PTPRD: variants seen among roughly 807,000 people sequenced by gnomAD.
PTPRD encodes the protein receptor-type tyrosine-protein phosphatase delta.
Under a neutral mutation model 214.5 loss-of-function variants are expected in PTPRD, and 34 were observed. That is an observed-to-expected ratio of 0.16 (90% CI 0.12 to 0.21). The LOEUF (loss-of-function observed/expected upper bound fraction) is 0.21, where lower values mean the gene tolerates loss of function less well. Among genes scored for constraint, PTPRD ranks in the 10% least tolerant of loss-of-function variants. The probability of loss-of-function intolerance (pLI) is 1.00; values close to 1 mark genes in which losing one functional copy is unlikely to be tolerated. For synonymous variants in PTPRD, 1,128 were observed against 845.7 expected (o/e 1.33, Z -5.79); for missense variants, 2,545 against 2,398.7 (o/e 1.06, Z -1.27).
chr9:8,401,527 C>A (rs1007727108), intron 36 of PTPRD, among the ~76,000 whole-genome samples: 10 of 152,082 alleles, frequency 6.6e-5, no homozygotes, highest in Admixed American at 2.6e-4. Context: ...GTAATTAGGA[C>A]TCTTTTGAAT....
intron 4 of PTPRD, among the ~76,000 whole-genome samples, chr9:9,964,191 G>GA (rs1280206497): frequency 7.1e-6 from 1 of 140,364 alleles, no homozygotes; most frequent in Admixed American, 7.3e-5. Flanking sequence ...CAAATTGGGG[G>GA]AAAAAAGAAT....
chr9:8,888,698 A>C (rs890394037), intron 11 of PTPRD, among the ~76,000 whole-genome samples: 2 of 152,208 alleles, frequency 1.3e-5, no homozygotes, highest in African/African-American at 4.8e-5. Context: ...ATATCACCTC[A>C]GAGGGATGAG....
At chr9:9,791,417 C>T (rs181354305) in intron 5 of PTPRD, among the ~76,000 whole-genome samples, 1 of 151,916 alleles carries the variant, frequency 6.6e-6, no homozygotes, top group Non-Finnish European at 1.5e-5. Flanking sequence ...TAATAACGAC[C>T]TTTAATTCTT....
rs920655819 is a variant in PTPRD at position 8,339,145 on chromosome 9, C to T, written c.5254-98G>A. 30 of 1,254,296 alleles carry T rather than the reference C, an allele frequency of 2.4e-5. No individual in the cohort carries two copies. In the South Asian group the frequency reaches 5.9e-4, roughly 25 times the overall value. The allele number at this position is 1,254,296 out of a possible 1,614,324, so 77.7% of individuals were successfully genotyped here. A position where few individuals can be genotyped will look rare whatever the true frequency, so the allele number is the denominator to read the frequency against. ...TCTAATCTATCTAATTTCCTTATCC[C>T]ATTAATAAAATTTCAAAATTCAAGG... On this transcript the variant is annotated intron_variant, in intron 42 of 45. Transcript: ENST00000381196.
intron 11 of PTPRD, among the ~76,000 whole-genome samples, chr9:8,955,724 T>A (rs985586650): frequency 1.3e-5 from 2 of 151,840 alleles, no homozygotes; most frequent in Non-Finnish European, 2.9e-5. Context: ...AACATCGGAA[T>A]TTGAAATCTA....
intron 10 of PTPRD, among the ~76,000 whole-genome samples, chr9:9,041,395 G>A (rs570295723): frequency 3.3e-5 from 5 of 152,018 alleles, no homozygotes; most frequent in Non-Finnish European, 1.5e-5. Context: ...GCTCCAGTGT[G>A]TGTTGTTCCC....
intron 8 of PTPRD, among the ~76,000 whole-genome samples, chr9:9,474,030 C>G (rs1426231191): frequency 6.6e-6 from 1 of 151,718 alleles, no homozygotes; most frequent in Non-Finnish European, 1.5e-5. Flanking sequence ...TCTATAAAAT[C>G]TATTAGATGA....
At chr9:8,948,498 T>C (rs2099082517) in intron 11 of PTPRD, among the ~76,000 whole-genome samples, 1 of 49,776 alleles carries the variant, frequency 2.0e-5, no homozygotes, top group African/African-American at 7.6e-5. Context: ...TATATTTATA[T>C]ATATATTTAT....
chr9:10,208,309 T>G (rs1441183424), intron 3 of PTPRD, among the ~76,000 whole-genome samples: 1 of 152,158 alleles, frequency 6.6e-6, no homozygotes, highest in Non-Finnish European at 1.5e-5. Flanking sequence ...GGTCAGGAGA[T>G]CGACGCCATC....
At position 10,209,132 on chromosome 9, in the gene PTPRD, T is replaced by C. The variant is rs535889229; in HGVS notation, c.-545+131831A>G. On this transcript the variant is annotated intron_variant, in intron 3 of 45. Coordinates refer to ENST00000381196, the MANE Select transcript of PTPRD (RefSeq NM_002839.4). ...TGTGACTACAATATTATTTATGAAA[T>C]TGTATTGCATACAATATGCCAAGAA... 2.4e-3 allele frequency among the ~76,000 whole-genome samples: 367 copies of C among 152,328 alleles called. 2 individuals are homozygous for C. The highest frequency in any genetic ancestry group is 0.012 in the South Asian group (56 of 4,824).
intron 4 of PTPRD, among the ~76,000 whole-genome samples, chr9:9,978,711 G>A (rs2095443237): frequency 1.3e-5 from 2 of 150,872 alleles, no homozygotes; most frequent in African/African-American, 4.9e-5. Flanking sequence ...AGAAAATTAA[G>A]GAAAGAAAGC....
intron 5 of PTPRD, among the ~76,000 whole-genome samples, chr9:9,797,535 T>C (rs1390513319): frequency 6.6e-6 from 1 of 152,098 alleles, no homozygotes; most frequent in Non-Finnish European, 1.5e-5. Flanking sequence ...GATGAGGCTA[T>C]ACTTGACGAA....
chr9:9,606,699 G>A (rs1209915626), intron 7 of PTPRD, among the ~76,000 whole-genome samples: 1 of 151,520 alleles, frequency 6.6e-6, no homozygotes, highest in African/African-American at 2.4e-5. Flanking sequence ...AACCACCAGG[G>A]GGTAATAGAA....
intron 10 of PTPRD, among the ~76,000 whole-genome samples, chr9:9,088,581 GA>G (rs533619970): frequency 8.0e-3 from 264 of 33,002 alleles, no homozygotes; most frequent in Middle Eastern, 0.071. Flanking sequence ...CTTAGTCTCA[GA>G]AAAAAAAAAA....
At chr9:9,015,105 G>T (rs769189481) in intron 11 of PTPRD, among the ~76,000 whole-genome samples, 27 of 151,978 alleles carry the variant, frequency 1.8e-4, no homozygotes, top group African/African-American at 5.8e-4. Context: ...AAATTAACTA[G>T]ATAGCTTTTA....
intron 9 of PTPRD, among the ~76,000 whole-genome samples, chr9:9,308,488 T>C (rs968219123): frequency 3.9e-5 from 6 of 152,288 alleles, no homozygotes; most frequent in East Asian, 3.9e-4. Context: ...GAATAAATCA[T>C]TGGAAAGAGA....
At chr9:9,741,698 A>G (rs1388915006) in intron 6 of PTPRD, among the ~76,000 whole-genome samples, 2 of 152,150 alleles carry the variant, frequency 1.3e-5, no homozygotes, top group Non-Finnish European at 2.9e-5. Flanking sequence ...GAGTGAGAAT[A>G]TGCAGTGTTT....
chr9:9,642,528 G>A (rs934661300), intron 7 of PTPRD, among the ~76,000 whole-genome samples: 1 of 152,072 alleles, frequency 6.6e-6, no homozygotes. Context: ...AGTTGGTCTG[G>A]TGATAATTTC....
rs980896358 is a variant in PTPRD, at chr9:9,921,578, A to G, written c.-368+16929T>C. Among the ~76,000 whole-genome samples, 4 of 151,804 alleles carry G rather than the reference A, an allele frequency of 2.6e-5. No individual in the cohort carries two copies. The East Asian group carries it at 7.7e-4, about 29-fold the overall frequency. ...ATATTCAAGAGAACTTACAAATTAC[A>G]TAATAGTTTTACTGCTCAGGGGAAA... On this transcript the variant is annotated intron_variant, in intron 5 of 45. Coordinates refer to ENST00000381196, the MANE Select transcript of PTPRD (RefSeq NM_002839.4).
Sources: gnomAD v4.1 joint callset for allele counts (sites outside exome capture counted in the v4.1 genomes callset) on GRCh38, gnomAD v4.1.1 for gene constraint, MANE v1.5 for transcripts, NCBI Gene and HGNC (gene_info 2026-07-23, HGNC 2026-07-21) for gene names.